The following SLC39A11 variants were observed in gnomAD, a reference collection of about 807,000 sequenced individuals.
SLC39A11 encodes solute carrier family 39 member 11.
SLC39A11 carries 33 observed loss-of-function variants against 36.1 expected under a neutral mutation model. That is an observed-to-expected ratio of 0.91 (90% CI 0.69 to 1.22). The LOEUF is 1.22. Among genes scored for constraint, SLC39A11 ranks in the 50% most tolerant of loss-of-function variants. SLC39A11 has a pLI of 0.00. For synonymous variants in SLC39A11, 166 were observed against 170.3 expected (o/e 0.97, Z 0.20); for missense variants, 432 against 430.3 (o/e 1.00, Z -0.03).
At position 72,871,248 on chromosome 17, in the gene SLC39A11, A is replaced by T. The variant is rs556681227; in HGVS notation, c.431-21444T>A. On this transcript the variant is annotated intron_variant, in intron 5 of 9. Coordinates refer to ENST00000255559, the MANE Select transcript of SLC39A11 (RefSeq NM_139177.4). ...GGCTAATTTTTTTGTATCTTAGTAG[A>T]GACAGGGTTTTACTATATGCCCAGG... Among the ~76,000 whole-genome samples, 70 of 151,784 alleles carry T rather than the reference A, an allele frequency of 4.6e-4. 1 individual carries two copies. The highest frequency in any genetic ancestry group is 1.6e-3 in the African/African-American group (67 of 41,396).
intron 5 of SLC39A11, among the ~76,000 whole-genome samples, chr17:72,879,020 A>C (rs1353070179): frequency 6.6e-6 from 1 of 152,242 alleles, no homozygotes; most frequent in Non-Finnish European, 1.5e-5. Flanking sequence ...CATTTATTAC[A>C]AAGAGTATTT....
chr17:72,853,168 C>A (rs1395594865), intron 5 of SLC39A11, among the ~76,000 whole-genome samples: 1 of 151,324 alleles, frequency 6.6e-6, no homozygotes, highest in Non-Finnish European at 1.5e-5. Context: ...GTGCACGCCA[C>A]CATGGCCAGC....
chr17:72,805,730 A>ATTTT lies in SLC39A11; in HGVS notation c.601+43900_601+43903dup, dbSNP rs796432423. 1.8e-3 allele frequency among the ~76,000 whole-genome samples: 267 copies of ATTTT among 149,260 alleles called. 1 individual carries two copies. The highest frequency in any genetic ancestry group is 6.2e-3 in the African/African-American group (249 of 40,412). On this transcript the variant is annotated intron_variant, in intron 6 of 9. Transcript: ENST00000255559. ...AGCCAGGAGATGTGGCTCAGAGTTA[A>ATTTT]TTTTTTTTTCTTTTTCTTTTTCTTT...
At chr17:72,768,062 T>A (rs934767008) in intron 6 of SLC39A11, among the ~76,000 whole-genome samples, 3 of 152,108 alleles carry the variant, frequency 2.0e-5, no homozygotes, top group Admixed American at 2.0e-4. Context: ...CCTCTTAAGC[T>A]GAGTTGCTCC....
At chr17:72,854,321 G>T (rs1396137937) in intron 5 of SLC39A11, among the ~76,000 whole-genome samples, 1 of 151,788 alleles carries the variant, frequency 6.6e-6, no homozygotes, top group East Asian at 1.9e-4. Context: ...TGGGGGGTGG[G>T]GTGGGGGTGG....
intron 3 of SLC39A11, among the ~76,000 whole-genome samples, chr17:73,083,986 A>C (rs1285664235): frequency 6.6e-6 from 1 of 152,212 alleles, no homozygotes; most frequent in East Asian, 1.9e-4. Flanking sequence ...ATTACATGTC[A>C]TCTGGGATTA....
intron 4 of SLC39A11, among the ~76,000 whole-genome samples, chr17:73,017,357 C>A (rs1199084468): frequency 6.6e-6 from 1 of 152,074 alleles, no homozygotes. Context: ...ACACTGGGGG[C>A]AGGTAGGGAC....
intron 4 of SLC39A11, among the ~76,000 whole-genome samples, chr17:72,972,093 A>C (rs1399283119): frequency 3.3e-5 from 5 of 152,256 alleles, no homozygotes; most frequent in African/African-American, 1.2e-4. Flanking sequence ...GAGAAGGAGA[A>C]AGAAAAACGG....
At chr17:72,832,696 A>G (rs1282452825) in intron 6 of SLC39A11, among the ~76,000 whole-genome samples, 1 of 152,232 alleles carries the variant, frequency 6.6e-6, no homozygotes, top group Non-Finnish European at 1.5e-5. Context: ...TTTGCAGAAA[A>G]CTAGAAACAT....
chr17:72,661,823 C>T (rs2070435456), intron 7 of SLC39A11, among the ~76,000 whole-genome samples: 1 of 152,178 alleles, frequency 6.6e-6, no homozygotes, highest in African/African-American at 2.4e-5. Context: ...CAGTCTGCTG[C>T]CTTCCTTCGA....
At chr17:72,881,186 T>A (rs1247702763) in intron 5 of SLC39A11, among the ~76,000 whole-genome samples, 1 of 152,134 alleles carries the variant, frequency 6.6e-6, no homozygotes, top group African/African-American at 2.4e-5. Flanking sequence ...ACATCATATG[T>A]CCACACAAAG....
chr17:73,003,174 T>C (rs1407964716), intron 4 of SLC39A11, among the ~76,000 whole-genome samples: 2 of 152,172 alleles, frequency 1.3e-5, no homozygotes, highest in Admixed American at 1.3e-4. Flanking sequence ...TAAGCAAATA[T>C]ACACAGGTTG....
intron 4 of SLC39A11, among the ~76,000 whole-genome samples, chr17:72,959,825 A>G (rs1214717404): frequency 6.6e-6 from 1 of 152,202 alleles, no homozygotes; most frequent in Non-Finnish European, 1.5e-5. Flanking sequence ...TCCAGTGGTC[A>G]AAGTAGGAGC....
intron 6 of SLC39A11, among the ~76,000 whole-genome samples, chr17:72,824,827 G>A (rs1237344288): frequency 1.3e-5 from 2 of 151,296 alleles, no homozygotes; most frequent in African/African-American, 4.8e-5. Context: ...AAATTTCTAA[G>A]CAGCAAGGCA....
chr17:72,720,545 G>A (rs146197974), intron 7 of SLC39A11, among the ~76,000 whole-genome samples: 68 of 152,252 alleles, frequency 4.5e-4, no homozygotes, highest in African/African-American at 1.6e-3. Flanking sequence ...GCTTGTCCTG[G>A]ACCTGAGTGG....
chr17:72,886,442 C>T (rs1209018625), intron 5 of SLC39A11, among the ~76,000 whole-genome samples: 1 of 152,154 alleles, frequency 6.6e-6, no homozygotes, highest in East Asian at 1.9e-4. Flanking sequence ...AATCCTCCTC[C>T]TCCTTTCTCC....
At chr17:72,780,856 A>T (rs573471418) in intron 6 of SLC39A11, among the ~76,000 whole-genome samples, 1 of 152,038 alleles carries the variant, frequency 6.6e-6, no homozygotes. Flanking sequence ...GCGTGGTGGC[A>T]AACGTCTGTA....
Position 72,716,351 on chromosome 17 carries a change from T to G in SLC39A11, c.671+20299A>C, listed in dbSNP as rs150369848. Among the ~76,000 whole-genome samples, 245 of 152,204 alleles carry G rather than the reference T, an allele frequency of 1.6e-3. 1 individual carries two copies. Among genetic ancestry groups the G allele is most frequent in the East Asian group, 2.5e-3 (13 of 5,170 alleles). On this transcript the variant is annotated intron_variant, in intron 7 of 9. Transcript: ENST00000255559. ...AATGCTGTGGTTGAACCTTTTTTTT[T>G]TTGTTGTTTGTTTTCTGGCACAGTC... is the stretch of plus-strand genomic sequence containing the variant.
chr17:72,964,759 C>G (rs930821468), intron 4 of SLC39A11, among the ~76,000 whole-genome samples: 1 of 152,148 alleles, frequency 6.6e-6, no homozygotes, highest in Non-Finnish European at 1.5e-5. Context: ...TGGGTATATA[C>G]CCAAAGGACT....
Sources: allele counts gnomAD v4.1 joint callset (sites outside exome capture counted in the v4.1 genomes callset), GRCh38; gene constraint gnomAD v4.1.1; transcripts MANE v1.5; gene names NCBI Gene and HGNC (gene_info 2026-07-23, HGNC 2026-07-21).